SRPK2: variants seen among roughly 807,000 people sequenced by gnomAD.
SRPK2 encodes the protein SRSF protein kinase 2.
SRPK2 carries 21 observed loss-of-function variants against 90.8 expected under a neutral mutation model. The ratio of observed to expected loss-of-function variants is 0.23; its 90% CI spans 0.16 to 0.33. SRPK2 has a LOEUF of 0.33. Among genes scored for constraint, SRPK2 ranks in the 10% least tolerant of loss-of-function variants. The pLI, the probability that SRPK2 is intolerant of heterozygous loss-of-function variation, is 1.00. For synonymous variants in SRPK2, 288 were observed against 311.1 expected, an observed-to-expected ratio of 0.93 and a Z score of 0.78; for missense variants, 620 against 869.0, an observed-to-expected ratio of 0.71 and a Z score of 3.60.
chr7:105,130,367 G>T (rs1400989056), intron 13 of SRPK2, among the ~76,000 whole-genome samples: 2 of 152,040 alleles, frequency 1.3e-5, no homozygotes, highest in African/African-American at 4.8e-5. Flanking sequence ...CCTAGACAAC[G>T]TGACAAACTC....
intron 2 of SRPK2, among the ~76,000 whole-genome samples, chr7:105,357,292 G>A (rs2132168385): frequency 6.6e-6 from 1 of 152,182 alleles, no homozygotes; most frequent in South Asian, 2.1e-4. Flanking sequence ...GCCTGCCTCG[G>A]CCTCCCAAAG....
intron 2 of SRPK2, among the ~76,000 whole-genome samples, chr7:105,353,630 T>C (rs1406108611): frequency 6.6e-6 from 1 of 151,994 alleles, no homozygotes; most frequent in East Asian, 1.9e-4. Flanking sequence ...CCTCCCAAAG[T>C]GATGGGATTA....
intron 2 of SRPK2, among the ~76,000 whole-genome samples, chr7:105,235,212 T>C (rs1397370398): frequency 1.3e-5 from 2 of 152,248 alleles, no homozygotes; most frequent in Non-Finnish European, 2.9e-5. Flanking sequence ...TGTAAACTTG[T>C]AGGAATAGAG....
chr7:105,244,108 G>A (rs1414258296), intron 2 of SRPK2, among the ~76,000 whole-genome samples: 1 of 152,192 alleles, frequency 6.6e-6, no homozygotes, highest in Non-Finnish European at 1.5e-5. Context: ...AGTCCCGTCC[G>A]CTGGTCAGGA....
chr7:105,205,726 A>T (rs55712418), intron 2 of SRPK2, among the ~76,000 whole-genome samples: 1 of 151,930 alleles, frequency 6.6e-6, no homozygotes, highest in Non-Finnish European at 1.5e-5. Context: ...AGGAGAGGCA[A>T]GTAAGGAACT....
At chr7:105,325,615 T>C (rs1039576707) in intron 2 of SRPK2, among the ~76,000 whole-genome samples, 4 of 148,796 alleles carry the variant, frequency 2.7e-5, no homozygotes, top group Admixed American at 6.7e-5. Flanking sequence ...CTAAGTACTT[T>C]AGGAGGCTTA....
At chr7:105,378,796 C>T (rs1429602923) in intron 2 of SRPK2, among the ~76,000 whole-genome samples, 2 of 151,392 alleles carry the variant, frequency 1.3e-5, no homozygotes, top group East Asian at 3.9e-4. Flanking sequence ...AACATCATTA[C>T]TCAGGAAAAT....
intron 3 of SRPK2, among the ~76,000 whole-genome samples, chr7:105,186,723 T>G (rs1393722601): frequency 3.9e-5 from 6 of 152,144 alleles, no homozygotes; most frequent in African/African-American, 1.4e-4. Flanking sequence ...AAAAAGAATA[T>G]AGTGGATGAG....
Position 105,296,288 on chromosome 7 carries a change from T to A in SRPK2, c.71+92360A>T, listed in dbSNP as rs1455639990. Among the ~76,000 whole-genome samples, 5 of 152,212 alleles carry A rather than the reference T, an allele frequency of 3.3e-5. No individual in the cohort carries two copies. The East Asian group carries it at 9.6e-4, about 29-fold the overall frequency. ...ATACACAGAGAAGCAAGAAAGTGGA[T>A]GTTCTTTTGATTTCTAGTATTCAGT... On this transcript the variant is annotated intron_variant, in intron 2 of 15. Coordinates refer to ENST00000393651, the MANE Select transcript of SRPK2 (RefSeq NM_182692.3).
At chr7:105,178,139 A>G (rs775063259) in intron 3 of SRPK2, among the ~76,000 whole-genome samples, 1 of 152,124 alleles carries the variant, frequency 6.6e-6, no homozygotes, top group Non-Finnish European at 1.5e-5. Context: ...AAATGTTTCA[A>G]TCTAAGAAAA....
chr7:105,251,529 G>A (rs1183191748), intron 2 of SRPK2, among the ~76,000 whole-genome samples: 3 of 152,040 alleles, frequency 2.0e-5, no homozygotes, highest in Non-Finnish European at 4.4e-5. Context: ...GAAAAAGACT[G>A]GGCTGAACAG....
At chr7:105,198,708 T>A (rs556004402) in intron 3 of SRPK2, among the ~76,000 whole-genome samples, 1 of 152,354 alleles carries the variant, frequency 6.6e-6, no homozygotes, top group South Asian at 2.1e-4. Flanking sequence ...ATATTTCTTA[T>A]GAGCCTCGTA....
At chr7:105,331,400 G>C (rs1585743251) in intron 2 of SRPK2, among the ~76,000 whole-genome samples, 1 of 142,362 alleles carries the variant, frequency 7.0e-6, no homozygotes, top group East Asian at 2.0e-4. Flanking sequence ...AAAAAGTTCA[G>C]ATATATCAAA....
chr7:105,328,968 G>A (rs1813945280), intron 2 of SRPK2, among the ~76,000 whole-genome samples: 1 of 151,978 alleles, frequency 6.6e-6, no homozygotes, highest in Admixed American at 6.6e-5. Flanking sequence ...ATCACCTGAG[G>A]CCAGGTGTTC....
intron 2 of SRPK2, among the ~76,000 whole-genome samples, chr7:105,261,384 T>G (rs1457486444): frequency 2.6e-5 from 4 of 151,748 alleles, no homozygotes; most frequent in Non-Finnish European, 4.4e-5. Context: ...AGCCAGGCAT[T>G]GTGGCGGGCG....
At position 105,347,698 on chromosome 7, in the gene SRPK2, A is replaced by G. The variant is rs985014826; in HGVS notation, c.71+40950T>C. Among the ~76,000 whole-genome samples the G allele has an allele frequency of 3.3e-5, 5 of 151,812 alleles. No homozygotes were observed. The South Asian group carries it at 8.3e-4, about 25-fold the overall frequency. ...GCAAGACCCCCATCTCTGCAAAAAA[A>G]TTTTAAAAATTAGCCAGGCATGGTG... On this transcript the variant is annotated intron_variant, in intron 2 of 15. Coordinates refer to ENST00000393651, the MANE Select transcript of SRPK2 (RefSeq NM_182692.3).
intron 2 of SRPK2, among the ~76,000 whole-genome samples, chr7:105,283,629 T>C (rs1563190098): frequency 6.6e-6 from 1 of 152,080 alleles, no homozygotes; most frequent in Non-Finnish European, 1.5e-5. Context: ...ATGAGGAGTG[T>C]TTGCTAACAC....
At chr7:105,318,032 C>T (rs112537344) in intron 2 of SRPK2, among the ~76,000 whole-genome samples, 4 of 152,162 alleles carry the variant, frequency 2.6e-5, no homozygotes, top group East Asian at 3.8e-4. Context: ...GCTGGGATTA[C>T]GGGCATGAGC....
chr7:105,339,544 G>C lies in SRPK2; in HGVS notation c.71+49104C>G, dbSNP rs561906415. Among the ~76,000 whole-genome samples, 7 of 152,354 alleles carry C rather than the reference G, an allele frequency of 4.6e-5. No homozygotes were observed. The South Asian group carries it at 1.2e-3, about 27-fold the overall frequency. On this transcript the variant is annotated intron_variant, in intron 2 of 15. Coordinates refer to ENST00000393651, the MANE Select transcript of SRPK2 (RefSeq NM_182692.3). ...GAAGAATTCAGAGGAAGGAACAGCA[G>C]TCCTGAACACTGAGTGACAATGGTC...
Sources: allele counts gnomAD v4.1 joint callset (sites outside exome capture counted in the v4.1 genomes callset), GRCh38; gene constraint gnomAD v4.1.1; transcripts MANE v1.5; gene names NCBI Gene and HGNC (gene_info 2026-07-23, HGNC 2026-07-21).